SEMA6D: variants seen among roughly 807,000 people sequenced by gnomAD.
SEMA6D encodes semaphorin-6D.
A neutral mutation model predicts 106.6 loss-of-function variants in SEMA6D; 35 were observed. That is an observed-to-expected ratio of 0.33 (90% CI 0.25 to 0.44). The LOEUF is 0.44. SEMA6D is among the 20% of genes least tolerant of loss of function. The pLI is 1.00. For synonymous variants in SEMA6D, 499 were observed against 487.7 expected, an observed-to-expected ratio of 1.02 and a Z score of -0.31; for missense variants, 1,185 against 1,345.9, an observed-to-expected ratio of 0.88 and a Z score of 1.87.
intron 2 of SEMA6D, among the ~76,000 whole-genome samples, chr15:47,442,006 C>T (rs1302774379): frequency 6.6e-6 from 1 of 152,022 alleles, no homozygotes; most frequent in Admixed American, 6.6e-5. Context: ...TTTACCACAC[C>T]TCCTTCATCA....
chr15:47,516,260 C>A (rs149070039), intron 3 of SEMA6D, among the ~76,000 whole-genome samples: 2 of 152,200 alleles, frequency 1.3e-5, no homozygotes, highest in African/African-American at 4.8e-5. Flanking sequence ...TATGCTGAAC[C>A]GCCAGATACT....
At chr15:47,327,004 G>C (rs977878513) in intron 1 of SEMA6D, among the ~76,000 whole-genome samples, 6 of 152,184 alleles carry the variant, frequency 3.9e-5, no homozygotes, top group Non-Finnish European at 8.8e-5. Context: ...CTGGACAGTA[G>C]AAGTCAGCCC....
intron 3 of SEMA6D, among the ~76,000 whole-genome samples, chr15:47,587,005 C>T (rs1039399578): frequency 2.0e-5 from 3 of 151,152 alleles, no homozygotes; most frequent in African/African-American, 7.3e-5. Context: ...GCTGAAGTCT[C>T]CAGGGAGTCT....
chr15:47,552,831 T>TTATATATATATAAATATATATAA (rs1491028135), intron 3 of SEMA6D, among the ~76,000 whole-genome samples: 7 of 72,504 alleles, frequency 9.7e-5, no homozygotes, highest in African/African-American at 6.5e-4. Context: ...TATATATTTT[T>TTATATATATATAAATATATATAA]ATATATATAT....
At chr15:47,556,787 A>G (rs1227886540) in intron 3 of SEMA6D, among the ~76,000 whole-genome samples, 1 of 152,136 alleles carries the variant, frequency 6.6e-6, no homozygotes, top group Non-Finnish European at 1.5e-5. Flanking sequence ...CTTTTCTCAC[A>G]GAATTGGACA....
intron 2 of SEMA6D, among the ~76,000 whole-genome samples, chr15:47,416,152 T>C (rs560918057): frequency 6.6e-6 from 1 of 152,294 alleles, no homozygotes; most frequent in Admixed American, 6.5e-5. Context: ...TACTTACTTG[T>C]GTGCACTATG....
chr15:47,586,888 G>GTTTTTTT (rs35584206), intron 3 of SEMA6D, among the ~76,000 whole-genome samples: 2 of 122,844 alleles, frequency 1.6e-5, no homozygotes, highest in Non-Finnish European at 3.3e-5. Context: ...AATTTGACAG[G>GTTTTTTT]TTTTTTTTTT....
intron 1 of SEMA6D, among the ~76,000 whole-genome samples, chr15:47,322,204 T>C (rs962114599): frequency 1.3e-5 from 2 of 152,050 alleles, no homozygotes; most frequent in Non-Finnish European, 2.9e-5. Context: ...TCACTCATTT[T>C]CCCCTAATAC....
intron 2 of SEMA6D, among the ~76,000 whole-genome samples, chr15:47,423,676 T>G (rs1235002261): frequency 6.6e-6 from 1 of 152,128 alleles, no homozygotes; most frequent in Non-Finnish European, 1.5e-5. Flanking sequence ...TGTGTCTTGA[T>G]GTACATGAAA....
chr15:47,366,807 A>G lies in SEMA6D; in HGVS notation c.-238-45586A>G, dbSNP rs1451552820. ...TAGGCAAGAAAGCGTGTAAGGAAAG[A>G]TAGAGTTAGAAAGGTAGGGTAGGGC... On this transcript the variant is annotated intron_variant, in intron 1 of 19. Transcript: ENST00000558014. 2.0e-5 allele frequency among the ~76,000 whole-genome samples: 3 copies of G among 152,348 alleles called. No individual in the cohort carries two copies. In the East Asian group the frequency reaches 5.8e-4, roughly 29 times the overall value.
chr15:47,436,875 AG>A (rs1394015316), intron 2 of SEMA6D, among the ~76,000 whole-genome samples: 1 of 149,720 alleles, frequency 6.7e-6, no homozygotes, highest in Non-Finnish European at 1.5e-5. Flanking sequence ...TTGAGGTTGC[AG>A]TGAGCTGCAA....
chr15:47,380,277 G>A (rs550679700), intron 1 of SEMA6D, among the ~76,000 whole-genome samples: 1 of 152,208 alleles, frequency 6.6e-6, no homozygotes, highest in South Asian at 2.1e-4. Context: ...CTTTGAGTTC[G>A]AGTCTCTCTT....
chr15:47,332,106 T>C (rs2037365604), intron 1 of SEMA6D, among the ~76,000 whole-genome samples: 1 of 152,224 alleles, frequency 6.6e-6, no homozygotes, highest in South Asian at 2.1e-4. Flanking sequence ...AGTTTACTTA[T>C]CTGAAGAATG....
intron 1 of SEMA6D, among the ~76,000 whole-genome samples, chr15:47,254,954 G>A (rs561714824): frequency 1.8e-4 from 27 of 147,896 alleles, no homozygotes; most frequent in African/African-American, 6.2e-4. Flanking sequence ...TGCTAGCCTT[G>A]TAGAATGAGT....
At chr15:47,489,494 A>G (rs1460997726) in intron 3 of SEMA6D, among the ~76,000 whole-genome samples, 1 of 152,172 alleles carries the variant, frequency 6.6e-6, no homozygotes, top group Non-Finnish European at 1.5e-5. Flanking sequence ...TGGGGTGGAT[A>G]CAGCAGTGAC....
chr15:47,624,455 A>C (rs1026818051), intron 4 of SEMA6D, among the ~76,000 whole-genome samples: 1 of 152,224 alleles, frequency 6.6e-6, no homozygotes, highest in Admixed American at 6.5e-5. Flanking sequence ...ACTTACAAAT[A>C]TAGTCATCCA....
rs534561921 is a variant in SEMA6D at position 47,505,970 on chromosome 15, AG to A, written c.-87+35430del. ...TCCAGTCTGAAGGTGTGGAGAAGTC[AG>A]GGGGTGGAGGTGGTAATAATGCATT... On this transcript the variant is annotated intron_variant, in intron 3 of 19. Coordinates refer to the SEMA6D transcript ENST00000558014. Among the ~76,000 whole-genome samples the A allele has an allele frequency of 1.9e-3, 294 of 152,192 alleles. 4 individuals carry two copies. Among genetic ancestry groups the A allele is most frequent in the Non-Finnish European group, 3.3e-3 (223 of 67,994 alleles).
At chr15:47,592,632 CAG>C (rs2076460541) in intron 3 of SEMA6D, among the ~76,000 whole-genome samples, 1 of 152,168 alleles carries the variant, frequency 6.6e-6, no homozygotes, top group South Asian at 2.1e-4. Context: ...GGTTTAGAGA[CAG>C]AGACCATGTC....
intron 3 of SEMA6D, among the ~76,000 whole-genome samples, chr15:47,540,669 A>G (rs372896046): frequency 6.6e-6 from 1 of 152,294 alleles, no homozygotes; most frequent in East Asian, 1.9e-4. Flanking sequence ...GGAGTGCACC[A>G]TCTCATTGAA....
Sources: allele counts gnomAD v4.1 joint callset (sites outside exome capture counted in the v4.1 genomes callset), GRCh38; gene constraint gnomAD v4.1.1; transcripts MANE v1.5; gene names NCBI Gene and HGNC (gene_info 2026-07-23, HGNC 2026-07-21).